The following ADORA2B variants were observed in gnomAD, a reference collection of about 807,000 sequenced individuals.
The protein encoded by ADORA2B is adenosine A2b receptor.
A neutral mutation model predicts 20.8 loss-of-function variants in ADORA2B; 18 were observed. That is an observed-to-expected ratio of 0.87 (90% confidence interval 0.60 to 1.29). The LOEUF is 1.29. Among genes scored for constraint, ADORA2B ranks in the 50% most tolerant of loss-of-function variants. The pLI, the probability that ADORA2B is intolerant of heterozygous loss-of-function variation, is 0.00. For missense variants in ADORA2B, 441 were observed against 422.7 expected (o/e 1.04, Z -0.38); for synonymous variants, 179 against 178.3 (o/e 1.00, Z -0.03).
rs959255469 is a variant in ADORA2B at position 15,945,878 on chromosome 17, GA to G, written c.335+298del. On this transcript the variant is annotated intron_variant, in intron 1 of 1. Transcript: ENST00000304222. ...GGGGAGGCGCCGTGGAAACCCCGGG[GA>G]AAGCGTCACCCCCGGGGAAAGCGTC... Among the ~76,000 whole-genome samples the G allele has an allele frequency of 1.7e-4, 26 of 152,130 alleles. No individual in the cohort carries two copies. In the East Asian group the frequency reaches 4.8e-3, roughly 28 times the overall value.
chr17:15,884,516 T>G, the ADORA2B span, among the ~76,000 whole-genome samples: 1 of 152,126 alleles, frequency 6.6e-6, no homozygotes, highest in Non-Finnish European at 1.5e-5. Context: ...CCATCTTAAT[T>G]CTTATTAAGA....
At chr17:15,968,629 T>C (rs1970149274) in intron 1 of ADORA2B, among the ~76,000 whole-genome samples, 1 of 152,186 alleles carries the variant, frequency 6.6e-6, no homozygotes, top group Non-Finnish European at 1.5e-5. Flanking sequence ...GAGCTGTAGA[T>C]TCCTATGCAG....
At chr17:15,964,420 A>G (rs796585693) in intron 1 of ADORA2B, among the ~76,000 whole-genome samples, 33 of 151,846 alleles carry the variant, frequency 2.2e-4, no homozygotes, top group African/African-American at 8.0e-4. Context: ...CAGCCTGGCC[A>G]GCATGGTGAA....
Position 15,975,115 on chromosome 17 carries a change from C to T in ADORA2B, c.772C>T (p.Leu258Phe), listed in dbSNP as rs1260148128. 1.2e-6 allele frequency: 2 copies of T among 1,614,038 alleles called. No homozygotes were observed. The highest frequency in any genetic ancestry group is 2.7e-5 in the African/African-American group (2 of 74,916). Reference sequence around the variant, plus strand: ...TGTGCATGCTGTTAACTGTGTCACTCTTTTCCAGCCAGCTCAGGGTAAAAA... The same window carrying T: ...TGTGCATGCTGTTAACTGTGTCACTTTTTTCCAGCCAGCTCAGGGTAAAAA... The part of the protein sequence containing the change: ...LPVHAVNCVT[L>F]FQPAQGKNKP... Residue 258 changes from leucine (L) to phenylalanine (F), a missense_variant, in exon 2 of 2, where the codon CTT becomes TTT. Transcript: ENST00000304222.
At chr17:15,867,557 C>T in the ADORA2B span, among the ~76,000 whole-genome samples, 1 of 150,556 alleles carries the variant, frequency 6.6e-6, no homozygotes, top group African/African-American at 2.5e-5. Context: ...GGCAGCCACC[C>T]CGTCCGGGAG....
In ADORA2B at chr17:15,971,706, C is replaced by T. The variant is rs116706517; in HGVS notation, c.336-2973C>T. On this transcript the variant is annotated intron_variant, in intron 1 of 1. Coordinates refer to ENST00000304222, the MANE Select transcript of ADORA2B (RefSeq NM_000676.4). ...GTGCAATGGTGTAATGATCTCGGCT[C>T]ACTGCATCCTCTGCCTCCCAGGTTC... is the stretch of plus-strand genomic sequence containing the variant. 6.1e-3 allele frequency among the ~76,000 whole-genome samples: 888 copies of T among 145,730 alleles called. 16 individuals are homozygous for T. The highest frequency in any genetic ancestry group is 0.021 in the African/African-American group (827 of 39,358).
chr17:15,851,416 C>T, the ADORA2B span, among the ~76,000 whole-genome samples: 1 of 151,110 alleles, frequency 6.6e-6, no homozygotes, highest in Non-Finnish European at 1.5e-5. Context: ...GATCTAGGAT[C>T]AGCCTTGGGA....
At chr17:15,908,846 C>G in the ADORA2B span, among the ~76,000 whole-genome samples, 1 of 152,168 alleles carries the variant, frequency 6.6e-6, no homozygotes, top group African/African-American at 2.4e-5. Flanking sequence ...ACGCTTTGCT[C>G]TTCCGTGGGA....
the ADORA2B span, among the ~76,000 whole-genome samples, chr17:15,881,428 C>T: frequency 4.6e-5 from 7 of 152,316 alleles, no homozygotes; most frequent in East Asian, 7.7e-4. Context: ...TTGTAAAATA[C>T]ACATAACAAG....
chr17:15,955,191 C>T (rs1363799470), intron 1 of ADORA2B, among the ~76,000 whole-genome samples: 11 of 152,008 alleles, frequency 7.2e-5, no homozygotes, highest in South Asian at 6.2e-4. Flanking sequence ...ACAGTATTTG[C>T]GGGTTGTGAA....
At chr17:15,961,733 A>C (rs780082407) in intron 1 of ADORA2B, among the ~76,000 whole-genome samples, 1 of 152,250 alleles carries the variant, frequency 6.6e-6, no homozygotes, top group Non-Finnish European at 1.5e-5. Context: ...CCATGGCAGA[A>C]AGTGAGAGGG....
chr17:15,885,384 C>G, the ADORA2B span, among the ~76,000 whole-genome samples: 1 of 152,062 alleles, frequency 6.6e-6, no homozygotes, highest in Non-Finnish European at 1.5e-5. Flanking sequence ...AATAAAGGAT[C>G]ACTGGATTTT....
rs143396835 is a variant in ADORA2B at position 15,974,829 on chromosome 17, G to A, written c.486G>A (p.Thr162=). The change falls in exon 2 of 2, where the codon ACG becomes ACA. Residue 162 remains threonine (T), a synonymous_variant. Transcript: ENST00000304222. The part of the protein sequence containing the change: ...NNCTEPWDGT[T]NESCCLVKCL... ...GCACAGAACCCTGGGATGGAACCACGAATGAAAGCTGCTGCCTTGTGAAGT... is the reference window on the plus strand; with the variant it reads ...GCACAGAACCCTGGGATGGAACCACAAATGAAAGCTGCTGCCTTGTGAAGT... 19 of 1,614,012 alleles carry A rather than the reference G, an allele frequency of 1.2e-5. No homozygotes were observed. Among genetic ancestry groups the A allele is most frequent in the East Asian group, 6.7e-5 (3 of 44,880 alleles).
intron 1 of ADORA2B, among the ~76,000 whole-genome samples, chr17:15,968,319 C>A (rs971278621): frequency 6.6e-6 from 1 of 152,124 alleles, no homozygotes; most frequent in South Asian, 2.1e-4. Context: ...CTGCTGACTG[C>A]GGAACCTCAG....
chr17:15,934,056 A>G, the ADORA2B span, among the ~76,000 whole-genome samples: 2 of 151,982 alleles, frequency 1.3e-5, no homozygotes, highest in Admixed American at 1.3e-4. Flanking sequence ...GATTTTTTTC[A>G]AATCATGAAA....
the ADORA2B span, among the ~76,000 whole-genome samples, chr17:15,904,326 C>CT: frequency 6.6e-6 from 1 of 150,546 alleles, no homozygotes; most frequent in South Asian, 2.1e-4. Context: ...TGTAAAAACT[C>CT]ATCACCAAAA....
the ADORA2B span, among the ~76,000 whole-genome samples, chr17:15,866,204 T>C: frequency 1.3e-5 from 2 of 150,404 alleles, no homozygotes; most frequent in African/African-American, 4.9e-5. Context: ...CCTTAGGGTA[T>C]GCATACATTC....
chr17:15,968,778 C>T (rs1970150697), intron 1 of ADORA2B, among the ~76,000 whole-genome samples: 1 of 152,138 alleles, frequency 6.6e-6, no homozygotes, highest in South Asian at 2.1e-4. Context: ...TAGCAGCTCT[C>T]ACCTCAGGAG....
intron 1 of ADORA2B, among the ~76,000 whole-genome samples, chr17:15,952,150 T>C (rs1969913247): frequency 6.6e-6 from 1 of 152,178 alleles, no homozygotes; most frequent in African/African-American, 2.4e-5. Context: ...CCTTTCTCGG[T>C]GACCACGTGC....
Sources: allele counts gnomAD v4.1 joint callset (sites outside exome capture counted in the v4.1 genomes callset), GRCh38; gene constraint gnomAD v4.1.1; transcripts MANE v1.5; gene names NCBI Gene and HGNC (gene_info 2026-07-23, HGNC 2026-07-21).